SPTBN5: variants seen among roughly 807,000 people sequenced by gnomAD.
SPTBN5 encodes spectrin beta chain, non-erythrocytic 5.
A neutral mutation model predicts 477.6 loss-of-function variants in SPTBN5; 513 were observed. The ratio of observed to expected loss-of-function variants is 1.07; its 90% CI spans 1.00 to 1.16. The LOEUF (loss-of-function observed/expected upper bound fraction) is 1.16, where lower values mean the gene tolerates loss of function less well. Ranked by LOEUF, SPTBN5 falls within the 50% of genes most tolerant of loss-of-function variation. The pLI is 0.00. For synonymous variants in SPTBN5, 2,169 were observed against 2,011.7 expected (o/e 1.08, Z -2.09); for missense variants, 5,062 against 4,731.8 (o/e 1.07, Z -2.05).
chr15:41,851,155 G>A lies in SPTBN5; in HGVS notation c.10744-5C>T. On this transcript the variant is annotated splice_polypyrimidine_tract_variant and splice_region_variant and intron_variant, in intron 64 of 67. Transcript: ENST00000320955. ...GAGGGCTATGGAAGCTACTTTCTGA[G>A]GAGAGATGAGAGGCAGGGGTCACTG... The A allele has an allele frequency of 1.9e-6, 3 of 1,612,256 alleles. No homozygotes were observed. The highest frequency in any genetic ancestry group is 2.5e-6 in the Non-Finnish European group (3 of 1,179,384).
At chr15:41,866,697 G>C in intron 36 of SPTBN5, 1 of 754,028 alleles carries the variant, frequency 1.3e-6, no homozygotes, top group Non-Finnish European at 2.0e-6. Flanking sequence ...TCGTTTTGGA[G>C]GTGTGGCCCC....
chr15:41,869,125 C>T (rs1007085889), intron 32 of SPTBN5, among the ~76,000 whole-genome samples: 2 of 152,192 alleles, frequency 1.3e-5, no homozygotes, highest in Admixed American at 6.5e-5. Flanking sequence ...ACTTCAGGCC[C>T]TTGTCCAAAT....
chr15:41,861,694 C>CG lies in SPTBN5; in HGVS notation c.7737+40dup, dbSNP rs754857884. On this transcript the variant is annotated intron_variant, in intron 45 of 67. Coordinates refer to ENST00000320955, the MANE Select transcript of SPTBN5 (RefSeq NM_016642.4). The stretch of plus-strand genomic sequence containing the variant: ...CTGTGGGGTCAGCGCAGGCCCTGTT[C>CG]GGGGGGGCAAGATGCAGGCTGGGGA... 625 of 1,517,318 alleles carry CG rather than the reference C, an allele frequency of 4.1e-4. 2 individuals carry two copies. The highest frequency in any genetic ancestry group is 1.8e-3 in the Admixed American group (88 of 48,806). The allele number at this position is 1,517,318 out of a possible 1,614,324, so 94.0% of individuals were successfully genotyped here. A position where few individuals can be genotyped will look rare whatever the true frequency, so the allele number is the denominator to read the frequency against.
In SPTBN5 at chr15:41,857,113, A is replaced by G. The variant is rs545317213; in HGVS notation, c.8622-74T>C. On this transcript the variant is annotated intron_variant, in intron 51 of 67. Transcript: ENST00000320955. ...GTATTAGGGATACCTGGTGACACAG[A>G]TCACCCAGCTGTGGCCCTCACCATG... 25 of 1,524,764 alleles carry G rather than the reference A, an allele frequency of 1.6e-5. No individual in the cohort carries two copies. In the East Asian group the frequency reaches 5.8e-4, roughly 35 times the overall value. The allele number at this position is 1,524,764 out of a possible 1,614,324, so 94.5% of individuals were successfully genotyped here. A position where few individuals can be genotyped will look rare whatever the true frequency, so the allele number is the denominator to read the frequency against.
At position 41,849,888 on chromosome 15, in the gene SPTBN5, G is replaced by C; in HGVS notation, c.10993C>G (p.Arg3665Gly). Reference sequence around the variant, plus strand: ...TCCCACCTGAGTAGACATCCAGGCCGGGCATCCTTGGTCGTGCACTCATTC... The same window carrying C: ...TCCCACCTGAGTAGACATCCAGGCCCGGCATCCTTGGTCGTGCACTCATTC... The part of the protein sequence containing the change: ...SLNECTTKDA[R>G]PGCLLRSDP Residue 3665 changes from arginine to glycine, a missense_variant, in exon 67 of 68, where the codon CGG (arginine) becomes GGG (glycine). Transcript: ENST00000320955. 1 of 1,584,986 alleles carries C rather than the reference G, an allele frequency of 6.3e-7. No homozygotes were observed. The highest frequency in any genetic ancestry group is 8.6e-7 in the Non-Finnish European group (1 of 1,165,454).
rs779404375 is a variant in SPTBN5 at position 41,855,447 on chromosome 15, A to T, written c.9219-19T>A. ...CTTGGGGCTGTGGGAAGAGAGCGAC[A>T]GTCTGGACTGCAGCCCTGCCTTTCC... On this transcript the variant is annotated intron_variant, in intron 54 of 67. Transcript: ENST00000320955. The T allele has an allele frequency of 6.3e-7, 1 of 1,596,530 alleles. No individual in the cohort carries two copies. Among genetic ancestry groups the T allele is most frequent in the Non-Finnish European group, 8.5e-7 (1 of 1,170,186 alleles).
intron 40 of SPTBN5, 28 bp downstream of exon 40, chr15:41,863,881 C>T (rs772844395): frequency 1.3e-5 from 21 of 1,613,226 alleles, no homozygotes; most frequent in Admixed American, 1.7e-5. Context: ...CTTCCCGGCC[C>T]TTTGGTTCTC....
intron 7 of SPTBN5, 87 bp from the exon 8 acceptor site, chr15:41,883,573 T>C (rs567992472): frequency 6.6e-7 from 1 of 1,519,002 alleles, no homozygotes; most frequent in South Asian, 1.3e-5. Flanking sequence ...GGGGCTTGGC[T>C]GCCCTGGAAG....
intron 16 of SPTBN5, 71 bp downstream of exon 16, chr15:41,879,189 A>T: frequency 6.5e-7 from 1 of 1,530,382 alleles, no homozygotes; most frequent in Non-Finnish European, 8.8e-7. Flanking sequence ...TCCCTTCCTC[A>T]TTCCACTGCC....
In SPTBN5 at chr15:41,878,611, G is replaced by C; in HGVS notation, c.3201C>G (p.Tyr1067Ter). ...SVVVKVEEPG[Y>*]AESQPLQGQV... ...GTCCTTGCAGAGGCTGGCTCTCTGCGTAGCCTGGCTCCTCGACCCTGGGAG... is the reference window on the plus strand; with the variant it reads ...GTCCTTGCAGAGGCTGGCTCTCTGCCTAGCCTGGCTCCTCGACCCTGGGAG... The change falls in exon 17 of 68, where the codon TAC becomes TAG. Residue 1067 changes from tyrosine to a stop codon, truncating the protein, a stop_gained. Coordinates refer to ENST00000320955, the MANE Select transcript of SPTBN5 (RefSeq NM_016642.4). LOFTEE classifies it high-confidence loss of function. 6.2e-7 allele frequency: 1 copy of C among 1,611,314 alleles called. No homozygotes were observed. The highest frequency in any genetic ancestry group is 2.2e-5 in the East Asian group (1 of 44,820).
chr15:41,854,395 G>A (rs571472047), intron 56 of SPTBN5, among the ~76,000 whole-genome samples, 190 bp from the exon 57 acceptor site: 113 of 151,410 alleles, frequency 7.5e-4, no homozygotes, highest in Middle Eastern at 3.4e-3. Flanking sequence ...GTCTGCGGCA[G>A]GCCAGGGGGT....
At chr15:41,892,530 C>T (rs1044558981) in intron 3 of SPTBN5, among the ~76,000 whole-genome samples, 19 of 152,236 alleles carry the variant, frequency 1.2e-4, no homozygotes, top group African/African-American at 4.6e-4. Context: ...AACCATCGAT[C>T]TTGCCTGGTA....
rs370728010 is a variant in SPTBN5 at position 41,863,979 on chromosome 15, G to C, written c.6964C>G (p.Leu2322Val). ...TCAGGGTCCCGGTTCTTGAGCTGCA[G>C]TGACAAGTCACTGATGCTCCTGATG... ...ACIRSISDLS[L>V]QLKNRDPEEV... is the part of the protein sequence containing the mutation. The change falls in exon 40 of 68, where the codon CTG (leucine) becomes GTG (valine). Residue 2322 changes from leucine to valine, a missense_variant. Leu to Val is a conservative substitution (Grantham distance 32). Coordinates refer to ENST00000320955, the MANE Select transcript of SPTBN5 (RefSeq NM_016642.4). 1.9e-5 allele frequency: 31 copies of C among 1,613,748 alleles called. No individual in the cohort carries two copies. Among genetic ancestry groups the C allele is most frequent in the Non-Finnish European group, 2.5e-5 (30 of 1,179,902 alleles).
rs776987338 is a variant in SPTBN5, at chr15:41,858,886, G to A, written c.8079+4C>T. The A allele has an allele frequency of 1.8e-5, 28 of 1,578,010 alleles. No homozygotes were observed. The East Asian group carries it at 1.8e-4, about 10-fold the overall frequency. ...GACCGCCTCCCTCTCCAAGCGAGGC[G>A]AACCTCCTGGGAGTCCTGCAGGAAG... is the stretch of plus-strand genomic sequence containing the variant. On this transcript the variant is annotated splice_donor_region_variant and intron_variant, in intron 48 of 67. Coordinates refer to ENST00000320955, the MANE Select transcript of SPTBN5 (RefSeq NM_016642.4).
At chr15:41,867,499 CCA>C (rs1225606192) in intron 35 of SPTBN5, 37 bp downstream of exon 35, 1 of 1,594,670 alleles carries the variant, frequency 6.3e-7, no homozygotes, top group South Asian at 1.1e-5. Flanking sequence ...CTCCCAACCA[CCA>C]CACTCTGACC....
Position 41,861,828 on chromosome 15 carries a change from G to A in SPTBN5, c.7644C>T (p.Arg2548=), listed in dbSNP as rs745862936. 1.2e-6 allele frequency: 2 copies of A among 1,603,052 alleles called. No homozygotes were observed. Among genetic ancestry groups the A allele is most frequent in the South Asian group, 2.2e-5 (2 of 89,862 alleles). Residue 2548 remains arginine, a synonymous_variant, in exon 45 of 68, where the codon CGC becomes CGT. Transcript: ENST00000320955. ...TAGHPFSSDI[R]QVLAGLEQEL... is the part of the protein sequence containing the mutation. ...CCTGTTCTAAGCCAGCCAGCACCTG[G>A]CGAATGTCGGAGCTGAAGGGGTGCC...
chr15:41,851,581 T>TGGGG (rs138547502), intron 63 of SPTBN5, among the ~76,000 whole-genome samples, 198 bp downstream of exon 63: 30 of 120,062 alleles, frequency 2.5e-4, no homozygotes, highest in African/African-American at 8.8e-4. Context: ...CAGCACCTCC[T>TGGGG]GGTGGGGGTG....
intron 7 of SPTBN5, among the ~76,000 whole-genome samples, chr15:41,884,278 G>A (rs1355658978): frequency 6.6e-6 from 1 of 152,002 alleles, no homozygotes; most frequent in South Asian, 2.1e-4. Flanking sequence ...GAGCCACTGC[G>A]CCCGGCCAAT....
In SPTBN5 at chr15:41,852,215, T is replaced by C. The variant is rs774384128; in HGVS notation, c.10551A>G (p.Leu3517=). The change falls in exon 62 of 68, where the codon CTA becomes CTG. Residue 3517 remains leucine, a synonymous_variant. Transcript: ENST00000320955. ...CCCTCGTCTCAGCCAGCTGTGCTCC[T>C]AGCCCCTGGTGTCCAGAGGGCCTCC... ...FQWRPSGHQG[L]GAQLAETRDP... The C allele has an allele frequency of 2.5e-6, 4 of 1,607,266 alleles. No individual in the cohort carries two copies. Among genetic ancestry groups the C allele is most frequent in the East Asian group, 2.2e-5 (1 of 44,720 alleles).
Sources: allele counts gnomAD v4.1 joint callset (sites outside exome capture counted in the v4.1 genomes callset), GRCh38; gene constraint gnomAD v4.1.1; transcripts MANE v1.5; gene names NCBI Gene and HGNC (gene_info 2026-07-23, HGNC 2026-07-21).